The following MALRD1 variants were observed in gnomAD, a reference collection of about 807,000 sequenced individuals.
MALRD1 encodes the protein MAM and LDL-receptor class A domain-containing protein 1.
A neutral mutation model predicts 242.1 loss-of-function variants in MALRD1; 247 were observed. The observed-to-expected ratio is 1.02, with a 90% confidence interval of 0.92 to 1.13. The LOEUF (loss-of-function observed/expected upper bound fraction) is 1.13. Ranked by LOEUF, MALRD1 falls within the 50% of genes most tolerant of loss-of-function variation. The pLI, the probability that MALRD1 is intolerant of heterozygous loss-of-function variation, is 0.00. For synonymous variants in MALRD1, 995 were observed against 866.6 expected, an observed-to-expected ratio of 1.15 and a Z score of -2.60; for missense variants, 2,989 against 2,533.1, an observed-to-expected ratio of 1.18 and a Z score of -3.86.
At chr10:19,188,070 G>A (rs1312508079) in intron 14 of MALRD1, among the ~76,000 whole-genome samples, 6 of 152,104 alleles carry the variant, frequency 3.9e-5, no homozygotes, top group South Asian at 4.1e-4. Context: ...CATTTCAGCC[G>A]AGGCCTTATG....
intron 28 of MALRD1, among the ~76,000 whole-genome samples, chr10:19,410,425 G>C (rs1462968729): frequency 6.6e-6 from 1 of 152,070 alleles, no homozygotes; most frequent in Admixed American, 6.6e-5. Context: ...AAAACGTATA[G>C]ATGAAATAAT....
intron 2 of MALRD1, among the ~76,000 whole-genome samples, chr10:19,067,338 T>C (rs1020100813): frequency 3.9e-5 from 6 of 152,090 alleles, no homozygotes; most frequent in African/African-American, 1.4e-4. Flanking sequence ...AGCCAGAAAT[T>C]TCTTCATTTA....
At position 19,318,516 on chromosome 10, in the gene MALRD1, G is replaced by GTT. The variant is rs573909164; in HGVS notation, c.3420-5422_3420-5421dup. ...GAAATTATACCTTGGTTACCTTAGG[G>GTT]TTTTTTTTTTTTATTATTTGTGTAG... On this transcript the variant is annotated intron_variant, in intron 21 of 39. Transcript: ENST00000454679. Among the ~76,000 whole-genome samples the GTT allele has an allele frequency of 4.2e-5, 6 of 143,332 alleles. No individual in the cohort carries two copies. The South Asian group carries it at 8.8e-4, about 21-fold the overall frequency. 94.0% of individuals were successfully genotyped at this position (143,332 alleles called of 152,430 possible).
rs921120212 is a variant in MALRD1 at position 19,369,210 on chromosome 10, G to A, written c.4441+16913G>A. Among the ~76,000 whole-genome samples, 3 of 143,716 alleles carry A rather than the reference G, an allele frequency of 2.1e-5. No homozygotes were observed. The South Asian group carries it at 6.4e-4, about 31-fold the overall frequency. The allele number at this position is 143,716 out of a possible 152,430, so 94.3% of individuals were successfully genotyped here. A position where few individuals can be genotyped will look rare whatever the true frequency, so the allele number is the denominator to read the frequency against. ...TATATATAAGCTAATATTTAAATTT[G>A]AATATTAATTCTTGTATATAAATAT... On this transcript the variant is annotated intron_variant, in intron 26 of 39. Transcript: ENST00000454679.
At chr10:19,636,816 T>C (rs1840150393) in intron 36 of MALRD1, among the ~76,000 whole-genome samples, 1 of 151,590 alleles carries the variant, frequency 6.6e-6, no homozygotes, top group Admixed American at 6.6e-5. Context: ...GGAGAATCAC[T>C]TGAGCCTGGG....
At chr10:19,442,124 GCTCT>G (rs1383601750) in intron 28 of MALRD1, among the ~76,000 whole-genome samples, 1 of 151,998 alleles carries the variant, frequency 6.6e-6, no homozygotes, top group African/African-American at 2.4e-5. Flanking sequence ...TCATGATTTG[GCTCT>G]CTGTTAGTCT....
At chr10:19,346,200 C>A (rs1591347) in intron 24 of MALRD1, among the ~76,000 whole-genome samples, 83,487 of 151,974 alleles carry the variant, frequency 0.55, 23,164 homozygotes, top group Middle Eastern at 0.59. Flanking sequence ...TATACAGAAA[C>A]AAACAAACAA....
chr10:19,108,843 GA>G (rs2131347555), intron 5 of MALRD1, among the ~76,000 whole-genome samples: 1 of 152,222 alleles, frequency 6.6e-6, no homozygotes, highest in African/African-American at 2.4e-5. Context: ...TCAGGTACTG[GA>G]GAGTTATTGT....
chr10:19,531,900 A>G (rs1259050726), intron 32 of MALRD1, among the ~76,000 whole-genome samples: 2 of 152,196 alleles, frequency 1.3e-5, no homozygotes, highest in Admixed American at 6.5e-5. Context: ...TTCAATCATC[A>G]TGAACCAATT....
chr10:19,315,069 G>A (rs1329621113), intron 21 of MALRD1, among the ~76,000 whole-genome samples: 3 of 138,042 alleles, frequency 2.2e-5, no homozygotes, highest in African/African-American at 7.9e-5. Context: ...ATATAAATAT[G>A]TAAATATAAT....
rs1332864102 is a variant in MALRD1 at position 19,607,808 on chromosome 10, G to C, written c.5976G>C (p.Val1992=). The change falls in exon 35 of 40, where the codon GTG becomes GTC. Residue 1992 remains valine (V), a synonymous_variant. Coordinates refer to ENST00000454679, the MANE Select transcript of MALRD1 (RefSeq NM_001142308.3). The stretch of plus-strand genomic sequence containing the variant: ...AAAGCTGTTCTAATGGAGCTCTGGT[G>C]TGTGCCTCCTCCAACAGCTGTATCC... ...SNKSCSNGAL[V]CASSNSCIPA... 1 of 1,549,456 alleles carries C rather than the reference G, an allele frequency of 6.5e-7. No individual in the cohort carries two copies. The highest frequency in any genetic ancestry group is 2.0e-5 in the Admixed American group (1 of 50,932).
intron 32 of MALRD1, among the ~76,000 whole-genome samples, chr10:19,543,407 A>G (rs1835065916): frequency 6.9e-6 from 1 of 145,658 alleles, no homozygotes; most frequent in African/African-American, 2.5e-5. Context: ...GGGACTACAG[A>G]TGTAAAAATC....
chr10:19,205,037 C>A lies in MALRD1; in HGVS notation c.2350C>A (p.Leu784Ile). 1 of 1,550,806 alleles carries A rather than the reference C, an allele frequency of 6.4e-7. No homozygotes were observed. Among genetic ancestry groups the A allele is most frequent in the South Asian group, 1.2e-5 (1 of 84,064 alleles). ...WLEATIQLGR[L>I]SQPFHLSLDK... ...GGAGGCAACCATTCAGCTAGGGCGCCTTTCGCAGCCCTTCCATTTGTCACT... is the reference window on the plus strand; with the variant it reads ...GGAGGCAACCATTCAGCTAGGGCGCATTTCGCAGCCCTTCCATTTGTCACT... The change falls in exon 17 of 40, where the codon CTT (leucine) becomes ATT (isoleucine). Residue 784 changes from leucine (L) to isoleucine (I), a missense_variant. Coordinates refer to ENST00000454679, the MANE Select transcript of MALRD1 (RefSeq NM_001142308.3).
chr10:19,050,470 G>T (rs1448085625), intron 1 of MALRD1, among the ~76,000 whole-genome samples: 2 of 151,886 alleles, frequency 1.3e-5, no homozygotes, highest in Non-Finnish European at 2.9e-5. Flanking sequence ...CTACATATTT[G>T]ATTTTGCCAT....
chr10:19,651,265 G>C (rs1334324035), intron 36 of MALRD1, among the ~76,000 whole-genome samples: 4 of 152,158 alleles, frequency 2.6e-5, no homozygotes, highest in Non-Finnish European at 5.9e-5. Flanking sequence ...TGGGACTGGA[G>C]CATCCTTGAA....
chr10:19,285,433 G>C (rs1455584527), intron 21 of MALRD1, among the ~76,000 whole-genome samples: 2 of 150,730 alleles, frequency 1.3e-5, no homozygotes, highest in African/African-American at 2.5e-5. Flanking sequence ...TTTTGTATAA[G>C]GTATAAGGAA....
intron 32 of MALRD1, among the ~76,000 whole-genome samples, chr10:19,531,695 T>A (rs1195558009): frequency 6.6e-6 from 1 of 152,128 alleles, no homozygotes; most frequent in Non-Finnish European, 1.5e-5. Context: ...TGCATAATGG[T>A]GAGGAAGATA....
intron 28 of MALRD1, among the ~76,000 whole-genome samples, chr10:19,410,605 C>G (rs1833236377): frequency 6.6e-6 from 1 of 151,734 alleles, no homozygotes; most frequent in South Asian, 2.1e-4. Flanking sequence ...TAGAGGTAGA[C>G]AGAAGCTAGT....
rs537060593 is a variant in MALRD1 at position 19,432,632 on chromosome 10, CAG to C, written c.4846-17673_4846-17672del. On this transcript the variant is annotated intron_variant, in intron 28 of 39. Coordinates refer to ENST00000454679, the MANE Select transcript of MALRD1 (RefSeq NM_001142308.3). Reference sequence around the variant, plus strand: ...TGAATCTTAAATTGTGATAGGAAGACAGACAATGAACAAATATGATTTTGATA... The same window carrying C: ...TGAATCTTAAATTGTGATAGGAAGACACAATGAACAAATATGATTTTGATA... Among the ~76,000 whole-genome samples, 11 of 152,220 alleles carry C rather than the reference CAG, an allele frequency of 7.2e-5. No homozygotes were observed. In the East Asian group the frequency reaches 2.1e-3, roughly 29 times the overall value.
Sources: allele counts gnomAD v4.1 joint callset (sites outside exome capture counted in the v4.1 genomes callset), GRCh38; gene constraint gnomAD v4.1.1; transcripts MANE v1.5; gene names NCBI Gene and HGNC (gene_info 2026-07-23, HGNC 2026-07-21).